Variants in ZNF385D observed in about 807,000 individuals in gnomAD.
ZNF385D encodes the protein zinc finger protein 659.
Under a neutral mutation model 35.8 loss-of-function variants are expected in ZNF385D, and 15 were observed. The ratio of observed to expected loss-of-function variants is 0.42; its 90% CI spans 0.28 to 0.64. ZNF385D has a LOEUF of 0.64. Ranked by LOEUF, ZNF385D falls within the 30% of genes least tolerant of loss-of-function variation. The pLI is 0.23. For synonymous variants in ZNF385D, 212 were observed against 186.8 expected (o/e 1.13, Z -1.10); for missense variants, 474 against 494.6 (o/e 0.96, Z 0.39).
intron 4 of ZNF385D, among the ~76,000 whole-genome samples, chr3:21,499,858 T>A (rs1307596401): frequency 6.6e-6 from 1 of 152,102 alleles, no homozygotes; most frequent in Non-Finnish European, 1.5e-5. Context: ...TAAAGCAAAC[T>A]AGAGACTGGT....
intron 4 of ZNF385D, among the ~76,000 whole-genome samples, chr3:21,498,945 CAAAAAAAAAAAA>C (rs35511402): frequency 2.6e-4 from 17 of 64,274 alleles, no homozygotes; most frequent in African/African-American, 1.0e-3. Context: ...GACTCCATCT[CAAAAAAAAAAAA>C]AAAAAAAAAA....
intron 3 of ZNF385D, among the ~76,000 whole-genome samples, chr3:21,983,431 T>G (rs1449508255): frequency 9.1e-6 from 1 of 109,994 alleles, no homozygotes; most frequent in Admixed American, 1.0e-4. Flanking sequence ...TTTTTGTTCT[T>G]GCGATAGTTT....
chr3:21,506,254 C>T (rs1021259396), intron 4 of ZNF385D, among the ~76,000 whole-genome samples: 1 of 152,144 alleles, frequency 6.6e-6, no homozygotes, highest in African/African-American at 2.4e-5. Context: ...TTCCCCTCTT[C>T]CATAGAATTC....
chr3:21,743,463 G>A (rs1484837777), intron 1 of ZNF385D, among the ~76,000 whole-genome samples: 1 of 152,222 alleles, frequency 6.6e-6, no homozygotes, highest in African/African-American at 2.4e-5. Flanking sequence ...CAGACTGGAG[G>A]GCTTAAACAA....
chr3:21,945,193 G>C (rs1015134936), intron 3 of ZNF385D, among the ~76,000 whole-genome samples: 9 of 125,858 alleles, frequency 7.2e-5, no homozygotes, highest in Non-Finnish European at 1.3e-4. Context: ...GAGAGAGACA[G>C]ATTGAGAGAA....
At chr3:21,738,725 C>T (rs1020025780) in intron 1 of ZNF385D, among the ~76,000 whole-genome samples, 3 of 152,064 alleles carry the variant, frequency 2.0e-5, no homozygotes, top group African/African-American at 7.2e-5. Flanking sequence ...GTTTAATCCC[C>T]TTTCAGAAGG....
chr3:21,720,047 ATCT>A lies in ZNF385D; in HGVS notation c.22+30845_22+30847del, dbSNP rs2068476913. Among the ~76,000 whole-genome samples, 3 of 152,184 alleles carry A rather than the reference ATCT, an allele frequency of 2.0e-5. No individual in the cohort carries two copies. The South Asian group carries it at 6.2e-4, about 32-fold the overall frequency. On this transcript the variant is annotated intron_variant, in intron 1 of 7. Transcript: ENST00000281523. Reference sequence around the variant, plus strand: ...TGAAACTTAGCTGCGCACTAGAATCATCTAGTGTGGGATCTTGAAAAAATACTA... The same window carrying A: ...TGAAACTTAGCTGCGCACTAGAATCAAGTGTGGGATCTTGAAAAAATACTA...
At chr3:21,937,660 G>A (rs1471772787) in intron 3 of ZNF385D, among the ~76,000 whole-genome samples, 2 of 150,538 alleles carry the variant, frequency 1.3e-5, no homozygotes, top group Non-Finnish European at 3.0e-5. Context: ...TTTAAATGAC[G>A]TTATTTTCAT....
chr3:21,750,511 T>C (rs2070015801), intron 1 of ZNF385D, among the ~76,000 whole-genome samples: 1 of 152,164 alleles, frequency 6.6e-6, no homozygotes, highest in Admixed American at 6.5e-5. Flanking sequence ...TTGACTAAGC[T>C]TTCACAGCAT....
intron 2 of ZNF385D, among the ~76,000 whole-genome samples, chr3:21,609,593 C>T (rs950548332): frequency 6.6e-6 from 1 of 152,190 alleles, no homozygotes; most frequent in African/African-American, 2.4e-5. Context: ...CCCTTCCCCA[C>T]TAGAAATAGG....
intron 3 of ZNF385D, among the ~76,000 whole-genome samples, chr3:22,024,471 T>A (rs1405126852): frequency 6.6e-6 from 1 of 152,022 alleles, no homozygotes. Flanking sequence ...GGCTGCTTGA[T>A]ATGATTAGAC....
At chr3:21,803,283 G>C (rs1022559186) in intron 3 of ZNF385D, among the ~76,000 whole-genome samples, 1 of 152,122 alleles carries the variant, frequency 6.6e-6, no homozygotes, top group South Asian at 2.1e-4. Flanking sequence ...CCCAAAATGA[G>C]AAGACAGCAT....
chr3:22,067,462 A>C (rs1348367037), intron 3 of ZNF385D, among the ~76,000 whole-genome samples: 1 of 152,212 alleles, frequency 6.6e-6, no homozygotes, highest in African/African-American at 2.4e-5. Flanking sequence ...AGATTTGTAT[A>C]ATATAGTTTC....
At position 22,295,854 on chromosome 3, in the gene ZNF385D, C is replaced by A. The variant is rs376400013; in HGVS notation, c.106+76596G>T. Among the ~76,000 whole-genome samples the A allele has an allele frequency of 1.6e-4, 24 of 152,146 alleles. No homozygotes were observed. In the East Asian group the frequency reaches 3.5e-3, roughly 22 times the overall value. The stretch of plus-strand genomic sequence containing the variant: ...AAAGCTACCACCCCTGCCTCACGGC[C>A]CCTCCCAATGGCATTGTTGATCAAG... On this transcript the variant is annotated intron_variant, in intron 2 of 5. Transcript: ENST00000494108.
At chr3:21,450,442 A>C (rs901550481) in intron 4 of ZNF385D, among the ~76,000 whole-genome samples, 5 of 152,180 alleles carry the variant, frequency 3.3e-5, no homozygotes, top group African/African-American at 1.2e-4. Flanking sequence ...TGCTCCCATA[A>C]GTCATCCCTA....
At chr3:21,828,828 C>T (rs1694817420) in intron 3 of ZNF385D, among the ~76,000 whole-genome samples, 1 of 152,198 alleles carries the variant, frequency 6.6e-6, no homozygotes. Flanking sequence ...CAATTAATTT[C>T]TTTGCCTTTT....
rs76483549 is a variant in ZNF385D, at chr3:22,107,356, T to C, written c.325+61461A>G. ...TAGTTTTTAAAAGGCTATTTTCCTCTTGTCAGAAAATTATGTTAAATTTTC... is the reference window on the plus strand; with the variant it reads ...TAGTTTTTAAAAGGCTATTTTCCTCCTGTCAGAAAATTATGTTAAATTTTC... On this transcript the variant is annotated intron_variant, in intron 3 of 5. Transcript: ENST00000494108. 5.7e-3 allele frequency among the ~76,000 whole-genome samples: 865 copies of C among 152,144 alleles called. 7 individuals carry two copies. Among genetic ancestry groups the C allele is most frequent in the Admixed American group, 9.1e-3 (139 of 15,268 alleles).
intron 3 of ZNF385D, among the ~76,000 whole-genome samples, chr3:22,106,299 C>G (rs809037): frequency 0.13 from 19,152 of 152,162 alleles, 1,507 homozygotes; most frequent in Middle Eastern, 0.22. Flanking sequence ...CTACACAACA[C>G]TTGGATGAAG....
At chr3:21,610,798 CAT>C (rs2064653098) in intron 2 of ZNF385D, among the ~76,000 whole-genome samples, 1 of 151,548 alleles carries the variant, frequency 6.6e-6, no homozygotes, top group South Asian at 2.1e-4. Context: ...AAACAATAGT[CAT>C]GTGTTATTTC....
Sources: gnomAD v4.1 joint callset for allele counts (sites outside exome capture counted in the v4.1 genomes callset) on GRCh38, gnomAD v4.1.1 for gene constraint, MANE v1.5 for transcripts, NCBI Gene and HGNC (gene_info 2026-07-23, HGNC 2026-07-21) for gene names.